The following AKR1A1 variants were observed in gnomAD, a reference collection of about 807,000 sequenced individuals.
AKR1A1 encodes the protein aldo-keto reductase family 1 member A1.
A neutral mutation model predicts 39.2 loss-of-function variants in AKR1A1; 26 were observed. That is an observed-to-expected ratio of 0.66 (90% CI 0.49 to 0.92). The LOEUF (loss-of-function observed/expected upper bound fraction) is 0.92, where lower values mean the gene tolerates loss of function less well. Ranked by LOEUF, AKR1A1 falls within the 40% of genes least tolerant of loss-of-function variation. The probability of loss-of-function intolerance (pLI) is 0.00; values close to 1 mark genes in which losing one functional copy is unlikely to be tolerated. For missense variants in AKR1A1, 378 were observed against 406.5 expected, an observed-to-expected ratio of 0.93 and a Z score of 0.60; for synonymous variants, 141 against 155.5, an observed-to-expected ratio of 0.91 and a Z score of 0.69.
chr1:45,552,640 G>C (rs1570885266), intron 1 of AKR1A1: 1 of 152,208 alleles, frequency 6.6e-6, no homozygotes, highest in Non-Finnish European at 1.5e-5. Flanking sequence ...TCAAAGTCTG[G>C]AATACAGTCT....
At chr1:45,560,951 TCTC>T (rs1336762509) in intron 1 of AKR1A1, among the ~76,000 whole-genome samples, 3 of 152,080 alleles carry the variant, frequency 2.0e-5, no homozygotes, top group Non-Finnish European at 2.9e-5. Flanking sequence ...ATGGTCTCGA[TCTC>T]CTGACCTCGT....
At position 45,568,157 on chromosome 1, in the gene AKR1A1, GT is replaced by G. The variant is rs779676195; in HGVS notation, c.533del (p.Val178GlyfsTer19). On this transcript the variant is annotated frameshift_variant, in exon 5 of 9. Transcript: ENST00000351829. LOFTEE classifies it high-confidence loss of function. ...QIDDILSVAS[V>X]RPAVLQVECH... ...TGATGACATACTCAGTGTGGCCTCC[GT>G]GCGTCCAGCTGTCTTGCAGGTAAGG... The G allele has an allele frequency of 6.2e-7, 1 of 1,613,310 alleles. No homozygotes were observed. Among genetic ancestry groups the G allele is most frequent in the South Asian group, 1.1e-5 (1 of 90,900 alleles).
chr1:45,557,005 C>T (rs1644213256), intron 1 of AKR1A1, among the ~76,000 whole-genome samples: 1 of 151,554 alleles, frequency 6.6e-6, no homozygotes, highest in African/African-American at 2.4e-5. Context: ...GCCTGGCCAA[C>T]ATGGTGAAAC....
chr1:45,559,627 T>C (rs1456847714), intron 1 of AKR1A1, among the ~76,000 whole-genome samples: 1 of 138,934 alleles, frequency 7.2e-6, no homozygotes, highest in African/African-American at 2.7e-5. Flanking sequence ...CTTTTCTCTT[T>C]TCTTTTCTTT....
chr1:45,561,673 G>A (rs1644279314), intron 1 of AKR1A1, 116 bp from the exon 2 acceptor site: 11 of 977,934 alleles, frequency 1.1e-5, no homozygotes, highest in South Asian at 7.4e-5. Flanking sequence ...CAAAGTGCTG[G>A]GATTACAGGT....
In AKR1A1 at chr1:45,568,515, G is replaced by A; in HGVS notation, c.583G>A (p.Glu195Lys). 6.2e-7 allele frequency: 1 copy of A among 1,613,840 alleles called. No homozygotes were observed. The highest frequency in any genetic ancestry group is 8.5e-7 in the Non-Finnish European group (1 of 1,180,010). ...ATGCCACCCATACTTGGCTCAAAATGAGCTAATTGCCCACTGCCAAGCACG... is the reference window on the plus strand; with the variant it reads ...ATGCCACCCATACTTGGCTCAAAATAAGCTAATTGCCCACTGCCAAGCACG... Reference protein sequence around the residue: ...VECHPYLAQNELIAHCQARGL... With the variant: ...VECHPYLAQNKLIAHCQARGL... The change falls in exon 6 of 9, where the codon GAG becomes AAG. Residue 195 changes from glutamate to lysine, a missense_variant. Coordinates refer to ENST00000351829, the MANE Select transcript of AKR1A1 (RefSeq NM_153326.3).
chr1:45,556,423 T>C (rs1644203509), intron 1 of AKR1A1, among the ~76,000 whole-genome samples: 1 of 150,978 alleles, frequency 6.6e-6, no homozygotes, highest in Non-Finnish European at 1.5e-5. Context: ...CTACTAAAAA[T>C]ACAAAAAATT....
At chr1:45,566,109 T>C (rs1008312243) in intron 2 of AKR1A1, among the ~76,000 whole-genome samples, 2 of 152,048 alleles carry the variant, frequency 1.3e-5, no homozygotes, top group South Asian at 2.1e-4. Flanking sequence ...ATCTTTTTTT[T>C]TTTCTTTCTT....
intron 1 of AKR1A1, among the ~76,000 whole-genome samples, chr1:45,553,298 T>C (rs1644157497): frequency 6.6e-6 from 1 of 151,886 alleles, no homozygotes; most frequent in South Asian, 2.1e-4. Context: ...GGCATGCGCC[T>C]GTAGTCCCAA....
At chr1:45,557,400 C>A (rs1570894771) in intron 1 of AKR1A1, among the ~76,000 whole-genome samples, 1 of 152,096 alleles carries the variant, frequency 6.6e-6, no homozygotes, top group African/African-American at 2.4e-5. Flanking sequence ...CACCTTCATT[C>A]TTCCCTAGGG....
Position 45,568,086 on chromosome 1 carries a change from G to T in AKR1A1, c.461G>T (p.Gly154Val). 1 of 1,614,058 alleles carries T rather than the reference G, an allele frequency of 6.2e-7. No individual in the cohort carries two copies. The highest frequency in any genetic ancestry group is 8.5e-7 in the Non-Finnish European group (1 of 1,180,012). ...WKALEALVAKGLVQALGLSNF... is the reference protein window; with the variant it reads ...WKALEALVAKVLVQALGLSNF... ...GCTCTGGAGGCACTGGTGGCTAAGGGGCTGGTGCAGGCGCTGGGCCTGTCC... is the reference window on the plus strand; with the variant it reads ...GCTCTGGAGGCACTGGTGGCTAAGGTGCTGGTGCAGGCGCTGGGCCTGTCC... Residue 154 changes from glycine (G) to valine (V), a missense_variant, in exon 5 of 9, where the codon GGG becomes GTG. Transcript: ENST00000351829.
At chr1:45,569,392 G>A (rs1644386986) in intron 8 of AKR1A1, among the ~76,000 whole-genome samples, 163 bp downstream of exon 8, 1 of 152,140 alleles carries the variant, frequency 6.6e-6, no homozygotes, top group African/African-American at 2.4e-5. Context: ...TGAGCTCAGG[G>A]AAGTAGTATG....
At position 45,561,552 on chromosome 1, in the gene AKR1A1, C is replaced by T. The variant is rs141860313; in HGVS notation, c.-6-237C>T. On this transcript the variant is annotated intron_variant, in intron 1 of 8. Transcript: ENST00000351829. ...CCGAGCAGCTGGGACTACAGGTGCG[C>T]GCCACCATGCCTAGATAATTTTTGT... Among the ~76,000 whole-genome samples the T allele has an allele frequency of 3.3e-5, 5 of 152,160 alleles. No homozygotes were observed. The East Asian group carries it at 7.7e-4, about 24-fold the overall frequency.
chr1:45,561,065 T>C (rs669417), intron 1 of AKR1A1, among the ~76,000 whole-genome samples: 2,274 of 152,260 alleles, frequency 0.015, 56 homozygotes, highest in African/African-American at 0.049. Flanking sequence ...TGGGAACATT[T>C]ATTTCATTCT....
intron 1 of AKR1A1, among the ~76,000 whole-genome samples, chr1:45,558,230 T>A (rs1054180590): frequency 6.7e-6 from 1 of 150,358 alleles, no homozygotes; most frequent in Non-Finnish European, 1.5e-5. Context: ...CTTGTCTTAT[T>A]ATTATTATTA....
At chr1:45,556,304 C>A (rs183462855) in intron 1 of AKR1A1, among the ~76,000 whole-genome samples, 2 of 152,240 alleles carry the variant, frequency 1.3e-5, no homozygotes, top group Non-Finnish European at 2.9e-5. Flanking sequence ...AGGTTTCCGC[C>A]GGGCGCGGCG....
intron 8 of AKR1A1, 76 bp downstream of exon 8, chr1:45,569,305 G>A (rs776870522): frequency 8.0e-7 from 1 of 1,243,514 alleles, no homozygotes; most frequent in Non-Finnish European, 1.2e-6. Context: ...GTGACCTAAG[G>A]CTTGCTGGTT....
At chr1:45,553,951 C>T (rs1644167103) in intron 1 of AKR1A1, among the ~76,000 whole-genome samples, 2 of 151,032 alleles carry the variant, frequency 1.3e-5, no homozygotes, top group African/African-American at 4.9e-5. Flanking sequence ...GCCGAGATCA[C>T]GCCACTGCCC....
intron 2 of AKR1A1, among the ~76,000 whole-genome samples, chr1:45,565,371 C>A (rs1232212212): frequency 2.6e-5 from 4 of 151,728 alleles, no homozygotes; most frequent in Non-Finnish European, 4.4e-5. Flanking sequence ...CTCAGGTGAT[C>A]CACCCACCTC....
Sources: gnomAD v4.1 joint callset for allele counts (sites outside exome capture counted in the v4.1 genomes callset) on GRCh38, gnomAD v4.1.1 for gene constraint, MANE v1.5 for transcripts, NCBI Gene and HGNC (gene_info 2026-07-23, HGNC 2026-07-21) for gene names.